The following DMD variants were observed in gnomAD, a reference collection of about 807,000 sequenced individuals.
The protein encoded by DMD is mutant dystrophin.
DMD carries 63 observed loss-of-function variants against 330.1 expected under a neutral mutation model. The observed-to-expected ratio is 0.19, with a 90% CI of 0.16 to 0.24. DMD has a LOEUF of 0.24. Among genes scored for constraint, DMD ranks in the 10% least tolerant of loss-of-function variants. The pLI, the probability that DMD is intolerant of heterozygous loss-of-function variation, is 1.00. For synonymous variants in DMD, 1,223 were observed against 959.8 expected, an observed-to-expected ratio of 1.27 and a Z score of -5.07; for missense variants, 3,344 against 2,684.1, an observed-to-expected ratio of 1.25 and a Z score of -5.43.
chrX:32,689,066 G>C (rs1316841951), intron 9 of DMD, among the ~76,000 whole-genome samples: 1 of 110,380 alleles, frequency 9.1e-6, no homozygotes, highest in African/African-American at 3.3e-5. Flanking sequence ...TTACATGCTA[G>C]GCATTTAACA....
Position 32,287,583 on chromosome X carries a change from G to A in DMD, c.6236C>T (p.Ser2079Phe), listed in dbSNP as rs1242090695. The change falls in exon 43 of 79, where the codon TCC becomes TTC. Residue 2079 changes from serine (S) to phenylalanine (F), a missense_variant. Transcript: ENST00000357033. ...VERVKLQEALSQLDFQWEKVN... is the reference protein window; with the variant it reads ...VERVKLQEALFQLDFQWEKVN... ...TTTTTCCCATTGGAAATCAAGCTGG[G>A]AGAGAGCTTCCTGTAGCTTCACCCT... 1 of 1,211,188 alleles carries A rather than the reference G, an allele frequency of 8.3e-7. No individual in the cohort carries two copies. Among genetic ancestry groups the A allele is most frequent in the Admixed American group, 2.2e-5 (1 of 45,988 alleles).
In DMD at chrX:32,614,378, T is replaced by A; in HGVS notation, c.1407A>T (p.Glu469Asp). The A allele has an allele frequency of 8.3e-7, 1 of 1,208,058 alleles. No homozygotes were observed. Among genetic ancestry groups the A allele is most frequent in the Non-Finnish European group, 1.1e-6 (1 of 893,156 alleles). Reference protein sequence around the residue: ...ELNDWLTKTEERTRKMEEEPL... With the variant: ...ELNDWLTKTEDRTRKMEEEPL... ...GCTCTTCCTCCATTTTCCTTGTTCTTTCTTCTGTTTTTGTTAGCCAGTCAT... is the reference window on the plus strand; with the variant it reads ...GCTCTTCCTCCATTTTCCTTGTTCTATCTTCTGTTTTTGTTAGCCAGTCAT... Residue 469 changes from glutamate (E) to aspartate (D), a missense_variant, in exon 12 of 79, where the codon GAA becomes GAT. Coordinates refer to ENST00000357033, the MANE Select transcript of DMD (RefSeq NM_004006.3).
intron 2 of DMD, among the ~76,000 whole-genome samples, chrX:32,873,430 C>A (rs938910498): frequency 1.8e-5 from 2 of 110,383 alleles, no homozygotes; most frequent in Non-Finnish European, 3.8e-5. Context: ...CTGGATGAGC[C>A]CGTTATGACA....
chrX:32,330,749 G>A (rs73462067), intron 41 of DMD, among the ~76,000 whole-genome samples: 2,267 of 110,684 alleles, frequency 0.02, 61 homozygotes, highest in African/African-American at 0.071. Context: ...TGGCACTTAG[G>A]AGGCACTAGA....
chrX:32,433,219 G>T (rs1453010294), intron 29 of DMD, among the ~76,000 whole-genome samples: 1 of 112,021 alleles, frequency 8.9e-6, no homozygotes, highest in African/African-American at 3.2e-5. Context: ...CTTATTAGCA[G>T]AGTTTTTATT....
intron 7 of DMD, among the ~76,000 whole-genome samples, chrX:32,744,146 T>C (rs900889604): frequency 1.8e-5 from 2 of 110,754 alleles, no homozygotes; most frequent in African/African-American, 6.6e-5. Flanking sequence ...AAGCTATTTC[T>C]GAATCATTTC....
chrX:32,335,669 T>C (rs1432597978), intron 41 of DMD, among the ~76,000 whole-genome samples: 64 of 99,816 alleles, frequency 6.4e-4, no homozygotes, highest in African/African-American at 2.1e-3. Flanking sequence ...AACATATACA[T>C]AATATGTATA....
intron 57 of DMD, among the ~76,000 whole-genome samples, chrX:31,495,014 G>C (rs1188426251): frequency 9.0e-6 from 1 of 111,357 alleles, no homozygotes; most frequent in Non-Finnish European, 1.9e-5. Flanking sequence ...AGAGTGTTTT[G>C]GCTGTTTATT....
At chrX:32,400,218 T>C (rs1022188641) in intron 30 of DMD, among the ~76,000 whole-genome samples, 2 of 112,032 alleles carry the variant, frequency 1.8e-5, no homozygotes, top group African/African-American at 3.2e-5. Context: ...GAGATAATCA[T>C]GTGGTTTTTG....
At chrX:32,560,158 C>A (rs1291472618) in intron 16 of DMD, among the ~76,000 whole-genome samples, 11 of 101,748 alleles carry the variant, frequency 1.1e-4, no homozygotes, top group Non-Finnish European at 1.8e-4. Context: ...TAAAAATCCA[C>A]AAAACTACAA....
chrX:32,558,422 A>C (rs2050572587), intron 16 of DMD, among the ~76,000 whole-genome samples: 2 of 111,974 alleles, frequency 1.8e-5, no homozygotes, highest in Non-Finnish European at 3.8e-5. Context: ...TTTATGTGTT[A>C]TTTCATTTTT....
intron 15 of DMD, among the ~76,000 whole-genome samples, chrX:32,568,646 C>T (rs1569220279): frequency 1.8e-5 from 2 of 111,478 alleles, no homozygotes; most frequent in African/African-American, 6.5e-5. Flanking sequence ...CAGACTTATA[C>T]CTAGTAAATT....
intron 44 of DMD, among the ~76,000 whole-genome samples, chrX:32,191,366 T>A (rs747915544): frequency 8.9e-6 from 1 of 112,331 alleles, no homozygotes; most frequent in Admixed American, 9.5e-5. Context: ...GGCTTCTCAA[T>A]GTATGAACAA....
intron 77 of DMD, among the ~76,000 whole-genome samples, chrX:31,129,313 C>T (rs1035365419): frequency 9.0e-6 from 1 of 111,286 alleles, no homozygotes; most frequent in African/African-American, 3.3e-5. Flanking sequence ...TTTTATAAGT[C>T]AAAAAAATTC....
At chrX:32,458,532 A>T (rs2098370496) in intron 25 of DMD, among the ~76,000 whole-genome samples, 1 of 111,295 alleles carries the variant, frequency 9.0e-6, no homozygotes, top group South Asian at 3.7e-4. Context: ...GGTGAATCAA[A>T]TGGGAATTCT....
At chrX:32,838,991 C>T (rs746192502) in intron 4 of DMD, among the ~76,000 whole-genome samples, 2 of 111,923 alleles carry the variant, frequency 1.8e-5, no homozygotes, top group Non-Finnish European at 3.8e-5. Flanking sequence ...TTCATTGTGG[C>T]ACTATTCACA....
chrX:33,026,196 G>A lies in DMD; in HGVS notation c.32-5996C>T, dbSNP rs372209698. ...TAAAAATACAAAAAATTAGCCGGGC[G>A]TGGTGGCGGGCGCCTGTAGTCCCAG... On this transcript the variant is annotated intron_variant, in intron 1 of 78. Transcript: ENST00000357033. Among the ~76,000 whole-genome samples, 14 of 107,123 alleles carry A rather than the reference G, an allele frequency of 1.3e-4. No individual in the cohort carries two copies. In the East Asian group the frequency reaches 2.6e-3, roughly 20 times the overall value. 93.0% of individuals were successfully genotyped at this position (107,123 alleles called of 115,157 possible).
chrX:33,213,774 A>G (rs2052000358), upstream of DMD, among the ~76,000 whole-genome samples: 1 of 111,959 alleles, frequency 8.9e-6, no homozygotes, highest in Non-Finnish European at 1.9e-5. Flanking sequence ...TCCTACAATA[A>G]CTACAATTCA....
intron 55 of DMD, among the ~76,000 whole-genome samples, chrX:31,611,271 C>T (rs181321423): frequency 5.5e-5 from 6 of 109,842 alleles, no homozygotes; most frequent in African/African-American, 2.0e-4. Context: ...AGATGGTGTC[C>T]GTGGTATGTA....
Sources: allele counts gnomAD v4.1 joint callset (sites outside exome capture counted in the v4.1 genomes callset), GRCh38; gene constraint gnomAD v4.1.1; transcripts MANE v1.5; gene names NCBI Gene and HGNC (gene_info 2026-07-23, HGNC 2026-07-21).